BZW2: variants seen among roughly 807,000 people sequenced by gnomAD.
BZW2 encodes eIF5-mimic protein 1.
A neutral mutation model predicts 53.2 loss-of-function variants in BZW2; 23 were observed. The observed-to-expected ratio is 0.43, with a 90% CI of 0.31 to 0.61. The LOEUF is 0.61. Ranked by LOEUF, BZW2 falls within the 20% of genes least tolerant of loss-of-function variation. The pLI, the probability that BZW2 is intolerant of heterozygous loss-of-function variation, is 0.09. For missense variants in BZW2, 409 were observed against 503.1 expected, an observed-to-expected ratio of 0.81 and a Z score of 1.79; for synonymous variants, 227 against 186.4, an observed-to-expected ratio of 1.22 and a Z score of -1.77.
In BZW2 at chr7:16,704,544, C is replaced by A. The variant is rs775777891; in HGVS notation, c.1109-3C>A. ...CTTTGAAATCTTTGATTTAAAATTG[C>A]AGCTGATGTTCTGAGCGAAGAAGCA... On this transcript the variant is annotated splice_polypyrimidine_tract_variant and splice_region_variant and intron_variant, in intron 10 of 11. Transcript: ENST00000258761. 1 of 1,511,072 alleles carries A rather than the reference C, an allele frequency of 6.6e-7. No homozygotes were observed. The allele number at this position is 1,511,072 out of a possible 1,614,324, so 93.6% of individuals were successfully genotyped here. A position where few individuals can be genotyped will look rare whatever the true frequency, so the allele number is the denominator to read the frequency against.
chr7:16,674,175 C>G (rs1275233199), intron 2 of BZW2, among the ~76,000 whole-genome samples: 1 of 152,246 alleles, frequency 6.6e-6, no homozygotes, highest in Admixed American at 6.5e-5. Flanking sequence ...GCTGGGATTA[C>G]AGGCGTGAGC....
At chr7:16,684,363 A>G (rs1406373133) in intron 5 of BZW2, among the ~76,000 whole-genome samples, 3 of 152,182 alleles carry the variant, frequency 2.0e-5, no homozygotes, top group Admixed American at 6.5e-5. Context: ...CCACTCAACA[A>G]GTTTTAGCTA....
chr7:16,664,833 G>A (rs570478461), intron 1 of BZW2, among the ~76,000 whole-genome samples: 1 of 150,598 alleles, frequency 6.6e-6, no homozygotes, highest in South Asian at 2.1e-4. Context: ...CTGGACCAAG[G>A]TTATGCCCAT....
chr7:16,692,430 A>G (rs940207557), intron 7 of BZW2, among the ~76,000 whole-genome samples: 28 of 152,250 alleles, frequency 1.8e-4, no homozygotes, highest in African/African-American at 6.7e-4. Context: ...AGTGGGCCAT[A>G]AACTAAAAAC....
intron 3 of BZW2, among the ~76,000 whole-genome samples, chr7:16,677,983 G>C (rs1473779409): frequency 6.6e-6 from 1 of 151,734 alleles, no homozygotes; most frequent in African/African-American, 2.4e-5. Context: ...GACATGTGAC[G>C]TAAGGACTGA....
At chr7:16,693,501 T>G (rs979615258) in intron 7 of BZW2, among the ~76,000 whole-genome samples, 1 of 152,200 alleles carries the variant, frequency 6.6e-6, no homozygotes, top group Non-Finnish European at 1.5e-5. Flanking sequence ...GGAATAAGTA[T>G]TGACTTGGGG....
At chr7:16,701,703 T>C (rs1216564392) in intron 10 of BZW2, among the ~76,000 whole-genome samples, 1 of 152,206 alleles carries the variant, frequency 6.6e-6, no homozygotes, top group Admixed American at 6.5e-5. Flanking sequence ...ATTTATTTTT[T>C]CTCATCAAGT....
chr7:16,652,670 G>A lies in BZW2; in HGVS notation c.-8+6382G>A, dbSNP rs1012333552. Among the ~76,000 whole-genome samples, 9 of 151,882 alleles carry A rather than the reference G, an allele frequency of 5.9e-5. 1 individual carries two copies. Among genetic ancestry groups the A allele is most frequent in the Admixed American group, 5.3e-4 (8 of 15,226 alleles). Reference sequence around the variant, plus strand: ...CTACCGAGTAGCTGGGATTACAGGCGCCTGCCACCATGCCTGGCTAATTTT... The same window carrying A: ...CTACCGAGTAGCTGGGATTACAGGCACCTGCCACCATGCCTGGCTAATTTT... On this transcript the variant is annotated intron_variant, in intron 1 of 11. Coordinates refer to ENST00000258761, the MANE Select transcript of BZW2 (RefSeq NM_014038.3).
intron 1 of BZW2, among the ~76,000 whole-genome samples, chr7:16,658,692 T>C (rs138316013): frequency 0.04 from 6,029 of 151,998 alleles, 397 homozygotes; most frequent in African/African-American, 0.14. Context: ...CTGTCCAACA[T>C]AGTGAAACCC....
chr7:16,706,080 G>A lies in BZW2; in HGVS notation c.1252G>A (p.Glu418Lys). The A allele has an allele frequency of 6.2e-7, 1 of 1,613,500 alleles. No homozygotes were observed. The highest frequency in any genetic ancestry group is 8.5e-7 in the Non-Finnish European group (1 of 1,179,734). ...AEEESESEGE[E>K]N ...CCTAGAATCCGAATCGGAAGGTGAG[G>A]AAAATTAAATGGCTCAACAAGCACA... is the stretch of plus-strand genomic sequence containing the variant. The change falls in exon 12 of 12, where the codon GAA becomes AAA. Residue 418 changes from glutamate (E) to lysine (K), a missense_variant. Around this residue, in one of 3 missense-constraint regions of BZW2, gnomAD observed 88 missense variants for 114.6 expected, o/e 0.77. Coordinates refer to ENST00000258761, the MANE Select transcript of BZW2 (RefSeq NM_014038.3).
chr7:16,657,829 C>T (rs1782158561), intron 1 of BZW2, among the ~76,000 whole-genome samples: 1 of 152,138 alleles, frequency 6.6e-6, no homozygotes, highest in Non-Finnish European at 1.5e-5. Context: ...GCTTTGCTCA[C>T]CATTGTTTCC....
chr7:16,658,747 C>T (rs906831056), intron 1 of BZW2, among the ~76,000 whole-genome samples: 2 of 151,746 alleles, frequency 1.3e-5, no homozygotes, highest in African/African-American at 4.8e-5. Flanking sequence ...TGGTGGCGTG[C>T]AACTGTAATC....
chr7:16,687,800 G>T (rs1783173271), intron 6 of BZW2, among the ~76,000 whole-genome samples: 1 of 152,116 alleles, frequency 6.6e-6, no homozygotes, highest in Non-Finnish European at 1.5e-5. Flanking sequence ...CAAGGGAGAT[G>T]GGATTATCCT....
chr7:16,672,927 GCT>G (rs2128357776), intron 2 of BZW2, among the ~76,000 whole-genome samples: 1 of 150,988 alleles, frequency 6.6e-6, no homozygotes, highest in South Asian at 2.1e-4. Flanking sequence ...CTTTGTGATT[GCT>G]CTGTGTTTGT....
intron 6 of BZW2, among the ~76,000 whole-genome samples, chr7:16,689,560 G>T (rs1430091907): frequency 3.9e-5 from 6 of 152,158 alleles, no homozygotes; most frequent in Non-Finnish European, 8.8e-5. Flanking sequence ...GTTAGACCAG[G>T]TTGGATTCAA....
At chr7:16,664,736 T>C (rs913606147) in intron 1 of BZW2, among the ~76,000 whole-genome samples, 6 of 152,242 alleles carry the variant, frequency 3.9e-5, no homozygotes, top group Non-Finnish European at 7.3e-5. Context: ...TATACAACAA[T>C]GCTGCAACTA....
chr7:16,647,524 C>G (rs1329603841), intron 1 of BZW2, among the ~76,000 whole-genome samples: 2 of 152,216 alleles, frequency 1.3e-5, no homozygotes, highest in African/African-American at 4.8e-5. Flanking sequence ...TTTTTCCCCC[C>G]TAAAGCTTCA....
Position 16,689,878 on chromosome 7 carries a change from G to A in BZW2, c.623G>A (p.Arg208Lys). 6.2e-7 allele frequency: 1 copy of A among 1,611,626 alleles called. No individual in the cohort carries two copies. Among genetic ancestry groups the A allele is most frequent in the East Asian group, 2.2e-5 (1 of 44,812 alleles). Residue 208 changes from arginine to lysine, a missense_variant, in exon 7 of 12, where the codon AGA becomes AAA. Arg to Lys is a conservative substitution (Grantham distance 26). Coordinates refer to ENST00000258761, the MANE Select transcript of BZW2 (RefSeq NM_014038.3). The stretch of plus-strand genomic sequence containing the variant: ...GCCAACTCTGTTACCTCGTCTTTGA[G>A]AAAAGCCAACTTAGACAAGAGGCTG... ...KDANSVTSSL[R>K]KANLDKRLLE...
chr7:16,680,918 A>G (rs189059232), intron 3 of BZW2, among the ~76,000 whole-genome samples: 18 of 152,330 alleles, frequency 1.2e-4, no homozygotes, highest in Admixed American at 3.9e-4. Flanking sequence ...AGCCTGACCA[A>G]CATGGTGAAA....
Sources: gnomAD v4.1 joint callset for allele counts (sites outside exome capture counted in the v4.1 genomes callset) on GRCh38, gnomAD v4.1.1 for gene constraint, gnomAD v4.1.1 regional missense constraint, MANE v1.5 for transcripts, NCBI Gene and HGNC (gene_info 2026-07-23, HGNC 2026-07-21) for gene names.